SLC20A1: variants seen among roughly 807,000 people sequenced by gnomAD.
SLC20A1 encodes the protein sodium-dependent phosphate transporter 1.
Under a neutral mutation model 62.7 loss-of-function variants are expected in SLC20A1, and 28 were observed. That is an observed-to-expected ratio of 0.45 (90% CI 0.33 to 0.61). The LOEUF is 0.61. Among genes scored for constraint, SLC20A1 ranks in the 20% least tolerant of loss-of-function variants. SLC20A1 has a pLI of 0.02. For synonymous variants in SLC20A1, 305 were observed against 302.9 expected (o/e 1.01, Z -0.07); for missense variants, 673 against 838.6 (o/e 0.80, Z 2.44).
chr2:112,657,174 A>T lies in SLC20A1; in HGVS notation c.711A>T (p.Gly237=), dbSNP rs1378373286. Residue 237 remains glycine (G), a synonymous_variant, in exon 6 of 11, where the codon GGA becomes GGT. Coordinates refer to ENST00000272542, the MANE Select transcript of SLC20A1 (RefSeq NM_005415.5). The part of the protein sequence containing the change: ...PLWGTILISV[G]CAVFCALIVW... ...GGGGTACCATCCTCATCTCGGTGGG[A>T]TGTGCAGTTTTCTGTGCCCTTATCG... 1.4e-5 allele frequency: 22 copies of T among 1,611,184 alleles called. No homozygotes were observed. The highest frequency in any genetic ancestry group is 1.7e-4 in the Middle Eastern group (1 of 6,060).
chr2:112,653,502 T>C (rs755071119), intron 5 of SLC20A1: 4 of 156,696 alleles, frequency 2.6e-5, no homozygotes, highest in African/African-American at 4.8e-5. Flanking sequence ...TGATGGTCTG[T>C]GACTACATAG....
At chr2:112,662,493 T>G (rs1264047438) in intron 10 of SLC20A1, among the ~76,000 whole-genome samples, 1 of 152,138 alleles carries the variant, frequency 6.6e-6, no homozygotes, top group Non-Finnish European at 1.5e-5. Context: ...GGCAGGAGAA[T>G]CACATGAAAC....
chr2:112,662,729 G>A (rs2104652623), intron 10 of SLC20A1, 135 bp from the exon 11 acceptor site: 2 of 792,234 alleles, frequency 2.5e-6, no homozygotes, highest in South Asian at 3.6e-5. Context: ...AGCTTAACCT[G>A]TTGTAAACCA....
chr2:112,650,658 C>T (rs1335490733), intron 4 of SLC20A1, among the ~76,000 whole-genome samples: 3 of 151,882 alleles, frequency 2.0e-5, no homozygotes, highest in Non-Finnish European at 4.4e-5. Context: ...GAAGTCTCGC[C>T]TGTCACCCAG....
chr2:112,656,685 A>G (rs903991234), intron 5 of SLC20A1, among the ~76,000 whole-genome samples: 1 of 152,236 alleles, frequency 6.6e-6, no homozygotes, highest in Non-Finnish European at 1.5e-5. Context: ...AAATGTGACT[A>G]CTGAGACATC....
intron 10 of SLC20A1, among the ~76,000 whole-genome samples, chr2:112,662,543 G>A (rs1336507421): frequency 6.6e-6 from 1 of 152,214 alleles, no homozygotes; most frequent in East Asian, 1.9e-4. Context: ...TTGCGCCACT[G>A]TACTCCAGCC....
chr2:112,650,060 G>A (rs1377942798), intron 4 of SLC20A1, among the ~76,000 whole-genome samples: 1 of 151,694 alleles, frequency 6.6e-6, no homozygotes, highest in Non-Finnish European at 1.5e-5. Context: ...ATAAACTATT[G>A]GTATAGTAGT....
In SLC20A1 at chr2:112,652,687, A is replaced by C; in HGVS notation, c.562-15A>C. On this transcript the variant is annotated splice_polypyrimidine_tract_variant and intron_variant, in intron 4 of 10. Coordinates refer to ENST00000272542, the MANE Select transcript of SLC20A1 (RefSeq NM_005415.5). ...TTATACCTTTTAAGATATTGATCTT[A>C]ATGATGTTTTACAGGCAGATCCAGT... 6.2e-7 allele frequency: 1 copy of C among 1,601,388 alleles called. No homozygotes were observed. The highest frequency in any genetic ancestry group is 1.3e-5 in the African/African-American group (1 of 74,776).
chr2:112,647,845 G>A (rs1462823511), intron 4 of SLC20A1, 107 bp downstream of exon 4: 1 of 889,674 alleles, frequency 1.1e-6, no homozygotes, highest in East Asian at 2.4e-5. Context: ...TGCGGCCTTG[G>A]AAAATTTTAA....
chr2:112,654,173 C>A (rs543797358), intron 5 of SLC20A1, among the ~76,000 whole-genome samples: 1 of 152,182 alleles, frequency 6.6e-6, no homozygotes, highest in African/African-American at 2.4e-5. Context: ...TTTAATCTTG[C>A]TAATTAATTC....
intron 5 of SLC20A1, among the ~76,000 whole-genome samples, chr2:112,654,312 A>G (rs1191860702): frequency 6.6e-6 from 1 of 152,182 alleles, no homozygotes; most frequent in Non-Finnish European, 1.5e-5. Flanking sequence ...GTTCTTTGTG[A>G]TAAACTAAAA....
rs75517424 is a variant in SLC20A1, at chr2:112,654,158, G to A, written c.658+1360G>A. 9.3e-4 allele frequency among the ~76,000 whole-genome samples: 142 copies of A among 152,314 alleles called. No homozygotes were observed. The East Asian group carries it at 0.022, about 23-fold the overall frequency. ...TGTGTATTTTGTTAGATGGAGCTAA[G>A]TATTTTTAATCTTGCTAATTAATTC... On this transcript the variant is annotated intron_variant, in intron 5 of 10. Coordinates refer to ENST00000272542, the MANE Select transcript of SLC20A1 (RefSeq NM_005415.5).
At position 112,645,962 on chromosome 2, in the gene SLC20A1, C is replaced by T. The variant is rs934501000; in HGVS notation, c.-434C>T. On this transcript the variant is annotated 5_prime_UTR_variant, in exon 1 of 11. Coordinates refer to ENST00000272542, the MANE Select transcript of SLC20A1 (RefSeq NM_005415.5). ...CTGGAGTGATGGCTGCCGGCGCTCT[C>T]TGCGTGGTTCTTCTTCTCGGCCGCT... 1 of 152,274 alleles carries T rather than the reference C, an allele frequency of 6.6e-6. No individual in the cohort carries two copies. The highest frequency in any genetic ancestry group is 1.5e-5 in the Non-Finnish European group (1 of 68,178). The allele number at this position is 152,274 out of a possible 1,614,324, so 9.4% of individuals were successfully genotyped here. A position where few individuals can be genotyped will look rare whatever the true frequency, so the allele number is the denominator to read the frequency against.
intron 4 of SLC20A1, among the ~76,000 whole-genome samples, chr2:112,649,564 C>T (rs1404029021): frequency 1.3e-5 from 2 of 151,168 alleles, no homozygotes; most frequent in Admixed American, 6.6e-5. Flanking sequence ...TTAACATGAC[C>T]TTTTTTTTTA....
In SLC20A1 at chr2:112,652,658, A is replaced by G. The variant is rs116327810; in HGVS notation, c.562-44A>G. The stretch of plus-strand genomic sequence containing the variant: ...TAAAAGATTCTGTGGAAATGGGTTA[A>G]CCTTTATACCTTTTAAGATATTGAT... On this transcript the variant is annotated intron_variant, in intron 4 of 10. Transcript: ENST00000272542. 2.9e-3 allele frequency: 4,251 copies of G among 1,485,464 alleles called. 107 individuals are homozygous for G. In the African/African-American group the frequency reaches 0.052, roughly 18 times the overall value. 92.0% of individuals were successfully genotyped at this position (1,485,464 alleles called of 1,614,324 possible).
intron 5 of SLC20A1, among the ~76,000 whole-genome samples, chr2:112,653,522 T>C (rs563803665): frequency 6.6e-6 from 1 of 152,338 alleles, no homozygotes; most frequent in Non-Finnish European, 1.5e-5. Context: ...GGCAGTGACT[T>C]TTATTCTTTA....
At chr2:112,662,241 A>AC (rs1323384915) in intron 10 of SLC20A1, among the ~76,000 whole-genome samples, 1 of 152,168 alleles carries the variant, frequency 6.6e-6, no homozygotes, top group Non-Finnish European at 1.5e-5. Flanking sequence ...AATATCAGCC[A>AC]CTCTGTAAAT....
In SLC20A1 at chr2:112,647,411, C is replaced by G. The variant is rs770211727; in HGVS notation, c.422C>G (p.Ser141Cys). 9 of 1,613,994 alleles carry G rather than the reference C, an allele frequency of 5.6e-6. No individual in the cohort carries two copies. The Admixed American group carries it at 1.3e-4, about 24-fold the overall frequency. ...ATTGTTGGTGCAACTATTGGTTTCTCCCTCGTGGCAAAGGGGCAGGAGGGT... is the reference window on the plus strand; with the variant it reads ...ATTGTTGGTGCAACTATTGGTTTCTGCCTCGTGGCAAAGGGGCAGGAGGGT... ...HCIVGATIGF[S>C]LVAKGQEGVK... The change falls in exon 3 of 11, where the codon TCC becomes TGC. Residue 141 changes from serine to cysteine, a missense_variant. Coordinates refer to ENST00000272542, the MANE Select transcript of SLC20A1 (RefSeq NM_005415.5).
chr2:112,646,276 C>G (rs1686271512), intron 1 of SLC20A1, 147 bp downstream of exon 1: 1 of 152,006 alleles, frequency 6.6e-6, no homozygotes, highest in Non-Finnish European at 1.5e-5. Flanking sequence ...TCTGCCCGCC[C>G]GCGGGCCTTT....
Sources: gnomAD v4.1 joint callset for allele counts (sites outside exome capture counted in the v4.1 genomes callset) on GRCh38, gnomAD v4.1.1 for gene constraint, MANE v1.5 for transcripts, NCBI Gene and HGNC (gene_info 2026-07-23, HGNC 2026-07-21) for gene names.